The following NRDE2 variants were observed in gnomAD, a reference collection of about 807,000 sequenced individuals.
NRDE2 encodes nuclear exosome regulator NRDE2.
NRDE2 carries 76 observed loss-of-function variants against 124.2 expected under a neutral mutation model. The observed-to-expected ratio is 0.61, with a 90% confidence interval of 0.51 to 0.74. NRDE2 has a LOEUF of 0.74. NRDE2 is among the 30% of genes least tolerant of loss of function. The pLI is 0.00. For missense variants in NRDE2, 1,314 were observed against 1,417.3 expected (o/e 0.93, Z 1.17); for synonymous variants, 489 against 528.1 (o/e 0.93, Z 1.01).
At position 90,278,014 on chromosome 14, in the gene NRDE2, T is replaced by C. The variant is rs1566679669; in HGVS notation, c.*322A>G. The C allele has an allele frequency of 4.5e-6, 1 of 222,066 alleles. No homozygotes were observed. Among genetic ancestry groups the C allele is most frequent in the Non-Finnish European group, 9.3e-6 (1 of 107,698 alleles). The allele number at this position is 222,066 out of a possible 1,614,324, so 13.8% of individuals were successfully genotyped here. A position where few individuals can be genotyped will look rare whatever the true frequency, so the allele number is the denominator to read the frequency against. ...AACACATTCACCGTGCGGGGGCCAGTGCTGGCTGCGCACAGGGAGAGAATG... is the reference window on the plus strand; with the variant it reads ...AACACATTCACCGTGCGGGGGCCAGCGCTGGCTGCGCACAGGGAGAGAATG... On this transcript the variant is annotated 3_prime_UTR_variant, in exon 14 of 14. Transcript: ENST00000354366.
rs1369298742 is a variant in NRDE2 at position 90,316,777 on chromosome 14, C to T, written c.208G>A (p.Asp70Asn). 4.3e-6 allele frequency: 7 copies of T among 1,611,804 alleles called. No individual in the cohort carries two copies. In the African/African-American group the frequency reaches 8.0e-5, roughly 18 times the overall value. The stretch of plus-strand genomic sequence containing the variant: ...GTTTGTTTGAGCTTTTTGTTAGTGT[C>T]ACTTTCATCTGAAGACTCTGATTTC... ...HLKSESSDESDTNKKLKQTSR... is the reference protein window; with the variant it reads ...HLKSESSDESNTNKKLKQTSR... The change falls in exon 3 of 14, where the codon GAC becomes AAC. Residue 70 changes from aspartate to asparagine, a missense_variant. By Grantham distance (23) the Asp-to-Asn change is conservative. Transcript: ENST00000354366.
At chr14:90,308,488 C>T (rs1463997971) in intron 4 of NRDE2, among the ~76,000 whole-genome samples, 1 of 152,036 alleles carries the variant, frequency 6.6e-6, no homozygotes, top group African/African-American at 2.4e-5. Context: ...CTCCAAGGGA[C>T]AGTCCATCCA....
At chr14:90,329,679 A>C (rs1885589989) in intron 1 of NRDE2, among the ~76,000 whole-genome samples, 2 of 151,536 alleles carry the variant, frequency 1.3e-5, no homozygotes, top group Admixed American at 1.3e-4. Flanking sequence ...TCTACTAAAA[A>C]TACAAAAAAT....
rs146675420 is a variant in NRDE2, at chr14:90,304,196, A to G, written c.744T>C (p.Ser248=). ...TCACTGGTATAAAGGAGATGGGCTC[A>G]GATGAGGGAGGTTCAGTTTTACTGC... ...AISSKTEPPS[S]EPISFIPVKD... The change falls in exon 5 of 14, where the codon TCT becomes TCC. Residue 248 remains serine, a synonymous_variant. Coordinates refer to ENST00000354366, the MANE Select transcript of NRDE2 (RefSeq NM_017970.4). 2.5e-5 allele frequency: 40 copies of G among 1,614,224 alleles called. No individual in the cohort carries two copies. In the African/African-American group the frequency reaches 4.5e-4, roughly 18 times the overall value.
At chr14:90,284,373 G>C (rs1196542255) in intron 12 of NRDE2, among the ~76,000 whole-genome samples, 1 of 147,502 alleles carries the variant, frequency 6.8e-6, no homozygotes, top group Non-Finnish European at 1.5e-5. Context: ...TTTTGAGACA[G>C]GGTCTCACTC....
intron 10 of NRDE2, among the ~76,000 whole-genome samples, chr14:90,290,019 T>C (rs1892227504): frequency 6.6e-6 from 1 of 152,178 alleles, no homozygotes; most frequent in Admixed American, 6.5e-5. Context: ...GTCACTGAGG[T>C]AGCCTGACTC....
chr14:90,295,753 A>G (rs1460922396), intron 8 of NRDE2, among the ~76,000 whole-genome samples: 1 of 152,244 alleles, frequency 6.6e-6, no homozygotes, highest in Admixed American at 6.5e-5. Context: ...ATAAAAACAA[A>G]AATTGTTATC....
At position 90,288,304 on chromosome 14, in the gene NRDE2, A is replaced by T. The variant is rs1566684850; in HGVS notation, c.3071T>A (p.Ile1024Asn). 1 of 1,614,122 alleles carries T rather than the reference A, an allele frequency of 6.2e-7. No homozygotes were observed. The highest frequency in any genetic ancestry group is 1.3e-5 in the African/African-American group (1 of 75,028). The change falls in exon 11 of 14, where the codon ATC (isoleucine) becomes AAC (asparagine). Residue 1024 changes from isoleucine to asparagine, a missense_variant. Coordinates refer to ENST00000354366, the MANE Select transcript of NRDE2 (RefSeq NM_017970.4). Reference protein sequence around the residue: ...ASKTRRFFDTITRSAKPLEPW... With the variant: ...ASKTRRFFDTNTRSAKPLEPW... ...CTCCAAGGGTTTGGCAGACCTGGTGATTGTGTCAAAAAATCTCCTGGTTTT... is the reference window on the plus strand; with the variant it reads ...CTCCAAGGGTTTGGCAGACCTGGTGTTTGTGTCAAAAAATCTCCTGGTTTT...
rs1891855617 is a variant in NRDE2 at position 90,278,356 on chromosome 14, C to G, written c.3475G>C (p.Glu1159Gln). The change falls in exon 14 of 14, where the codon GAG becomes CAG. Residue 1159 changes from glutamate (E) to glutamine (Q), a missense_variant. By Grantham distance (29) the Glu-to-Gln change is conservative (BLOSUM62 2). Coordinates refer to ENST00000354366, the MANE Select transcript of NRDE2 (RefSeq NM_017970.4). ...GCTCTCTAATCCTCCAGCAGCAGCT[C>G]CAGCTCCTCCAGCGGCAGGCGCACC... ...LRVRLPLEEL[E>Q]LLLED 1 of 1,613,998 alleles carries G rather than the reference C, an allele frequency of 6.2e-7. No individual in the cohort carries two copies. The highest frequency in any genetic ancestry group is 1.1e-5 in the South Asian group (1 of 91,086).
intron 10 of NRDE2, 67 bp downstream of exon 10, chr14:90,290,154 A>G: frequency 1.3e-6 from 2 of 1,536,072 alleles, no homozygotes; most frequent in Non-Finnish European, 1.8e-6. Flanking sequence ...GAGGCTTACA[A>G]TCCCGTTTAT....
At chr14:90,329,389 CT>C (rs1177140808) in intron 1 of NRDE2, among the ~76,000 whole-genome samples, 37 of 152,322 alleles carry the variant, frequency 2.4e-4, no homozygotes, top group African/African-American at 8.9e-4. Context: ...ATCCTACTCT[CT>C]TGAAGATCCA....
Position 90,267,860 on chromosome 14 carries a change from G to GA in NRDE2, c.*10475dup, listed in dbSNP as rs1299251367. 1.6e-5 allele frequency: 3 copies of GA among 183,008 alleles called. No homozygotes were observed. Among genetic ancestry groups the GA allele is most frequent in the East Asian group, 3.2e-4 (2 of 6,216 alleles). The allele number at this position is 183,008 out of a possible 1,614,324, so 11.3% of individuals were successfully genotyped here. A position where few individuals can be genotyped will look rare whatever the true frequency, so the allele number is the denominator to read the frequency against. ...GGGGCCCAAGACAGACTCAACCAGA[G>GA]AAAAAAATGAGATTTATTTCATTAC... is the stretch of plus-strand genomic sequence containing the variant. On this transcript the variant is annotated 3_prime_UTR_variant, in exon 14 of 14. Coordinates refer to ENST00000354366, the MANE Select transcript of NRDE2 (RefSeq NM_017970.4).
rs1209794412 is a variant in NRDE2 at position 90,269,744 on chromosome 14, T to C, written c.*8592A>G. 6 of 495,972 alleles carry C rather than the reference T, an allele frequency of 1.2e-5. No homozygotes were observed. The highest frequency in any genetic ancestry group is 8.9e-5 in the South Asian group (2 of 22,514). 30.7% of individuals were successfully genotyped at this position (495,972 alleles called of 1,614,324 possible). On this transcript the variant is annotated 3_prime_UTR_variant, in exon 14 of 14. Coordinates refer to ENST00000354366, the MANE Select transcript of NRDE2 (RefSeq NM_017970.4). ...GATATGGTCTGTGCACCTTGGCCCTTTGAATTCCAGTCTTATGTCTTGTCT... is the reference window on the plus strand; with the variant it reads ...GATATGGTCTGTGCACCTTGGCCCTCTGAATTCCAGTCTTATGTCTTGTCT...
In NRDE2 at chr14:90,304,043, C is replaced by A. The variant is rs554337862; in HGVS notation, c.897G>T (p.Gln299His). 1 of 1,614,094 alleles carries A rather than the reference C, an allele frequency of 6.2e-7. No homozygotes were observed. Among genetic ancestry groups the A allele is most frequent in the African/African-American group, 1.3e-5 (1 of 75,060 alleles). Residue 299 changes from glutamine to histidine, a missense_variant, in exon 5 of 14, where the codon CAG (glutamine) becomes CAT (histidine). Physicochemically the swap from Gln to His is conservative, Grantham distance 24. Transcript: ENST00000354366. ...TGAGAGCCGCACTCTCGCTGTCTGGCTGTGCGTCTGGCTGCTTTGATTCCT... is the reference window on the plus strand; with the variant it reads ...TGAGAGCCGCACTCTCGCTGTCTGGATGTGCGTCTGGCTGCTTTGATTCCT... ...PEQESKQPDA[Q>H]PDSESAALKA... is the part of the protein sequence containing the mutation.
intron 11 of NRDE2, among the ~76,000 whole-genome samples, chr14:90,287,733 A>T (rs1307000833): frequency 6.6e-6 from 1 of 152,198 alleles, no homozygotes; most frequent in African/African-American, 2.4e-5. Flanking sequence ...CTTTGTACCA[A>T]GCACTTACCT....
chr14:90,288,339 G>C lies in NRDE2; in HGVS notation c.3036C>G (p.His1012Gln). The C allele has an allele frequency of 6.2e-7, 1 of 1,614,242 alleles. No individual in the cohort carries two copies. Among genetic ancestry groups the C allele is most frequent in the South Asian group, 1.1e-5 (1 of 91,090 alleles). Reference protein sequence around the residue: ...RSYVQIQNKSHSASKTRRFFD... With the variant: ...RSYVQIQNKSQSASKTRRFFD... Reference sequence around the variant, plus strand: ...AAAATCTCCTGGTTTTGCTGGCACTGTGGGACTTATTCTGAATCTGTACAT... The same window carrying C: ...AAAATCTCCTGGTTTTGCTGGCACTCTGGGACTTATTCTGAATCTGTACAT... Residue 1012 changes from histidine (H) to glutamine (Q), a missense_variant, in exon 11 of 14, where the codon CAC becomes CAG. Physicochemically the swap from His to Gln is conservative, Grantham distance 24. Coordinates refer to ENST00000354366, the MANE Select transcript of NRDE2 (RefSeq NM_017970.4).
At chr14:90,331,731 C>CT in intron 1 of NRDE2, 110 bp downstream of exon 1, 1 of 1,245,038 alleles carries the variant, frequency 8.0e-7, no homozygotes, top group Non-Finnish European at 1.2e-6. Flanking sequence ...CCGCGGAGAA[C>CT]TCTGGGATAC....
rs1020961703 is a variant in NRDE2, at chr14:90,268,590, CTG to C, written c.*9744_*9745del. 6.5e-6 allele frequency: 4 copies of C among 619,832 alleles called. No homozygotes were observed. Among genetic ancestry groups the C allele is most frequent in the Non-Finnish European group, 1.1e-5 (4 of 355,646 alleles). The allele number at this position is 619,832 out of a possible 1,614,324, so 38.4% of individuals were successfully genotyped here. On this transcript the variant is annotated 3_prime_UTR_variant, in exon 14 of 14. Coordinates refer to ENST00000354366, the MANE Select transcript of NRDE2 (RefSeq NM_017970.4). ...GAGCCAGCTAACAACTGCCCAGTAA[CTG>C]TGAACGTCTGGAGAGATTGGTCAGT...
At chr14:90,318,539 C>T (rs563741736) in intron 1 of NRDE2, among the ~76,000 whole-genome samples, 128 of 152,248 alleles carry the variant, frequency 8.4e-4, no homozygotes, top group Non-Finnish European at 1.3e-3. Context: ...GTGGCTCATG[C>T]CTGTAATCCC....
Sources: allele counts gnomAD v4.1 joint callset (sites outside exome capture counted in the v4.1 genomes callset), GRCh38; gene constraint gnomAD v4.1.1; transcripts MANE v1.5; gene names NCBI Gene and HGNC (gene_info 2026-07-23, HGNC 2026-07-21).